The following ITGA9 variants were observed in gnomAD, a reference collection of about 807,000 sequenced individuals.
The protein encoded by ITGA9 is integrin subunit alpha 9.
ITGA9 carries 56 observed loss-of-function variants against 127.8 expected under a neutral mutation model. The observed-to-expected ratio is 0.44, with a 90% CI of 0.35 to 0.55. The LOEUF (loss-of-function observed/expected upper bound fraction) is 0.55, where lower values mean the gene tolerates loss of function less well. ITGA9 is among the 20% of genes least tolerant of loss of function. The pLI, the probability that ITGA9 is intolerant of heterozygous loss-of-function variation, is 0.00. For missense variants in ITGA9, 1,196 were observed against 1,347.1 expected (o/e 0.89, Z 1.76); for synonymous variants, 508 against 514.5 (o/e 0.99, Z 0.17).
chr3:37,792,720 G>C (rs747839146), intron 26 of ITGA9, among the ~76,000 whole-genome samples: 1 of 152,174 alleles, frequency 6.6e-6, no homozygotes, highest in African/African-American at 2.4e-5. Flanking sequence ...TTTAAAAATC[G>C]TAGGCCACTG....
At chr3:37,539,395 G>A (rs1426359327) in intron 14 of ITGA9, among the ~76,000 whole-genome samples, 1 of 152,202 alleles carries the variant, frequency 6.6e-6, no homozygotes, top group African/African-American at 2.4e-5. Flanking sequence ...ACAGAATGGA[G>A]AGAGAAAGAA....
At chr3:37,535,261 T>C (rs1047563870) in intron 14 of ITGA9, among the ~76,000 whole-genome samples, 1 of 152,242 alleles carries the variant, frequency 6.6e-6, no homozygotes, top group Admixed American at 6.5e-5. Flanking sequence ...CGTTCACTTA[T>C]CGCTGTTGTG....
At position 37,597,160 on chromosome 3, in the gene ITGA9, A is replaced by G. The variant is rs1699878020; in HGVS notation, c.1690-32027A>G. On this transcript the variant is annotated intron_variant, in intron 15 of 27. Transcript: ENST00000264741. The surrounding 1 kb of genome is among the most constrained non-coding windows in gnomAD (Gnocchi z 4.6). The stretch of plus-strand genomic sequence containing the variant: ...AATTTGGAGTTTTTCACTAATACGC[A>G]GGACTGGTCATTTTGATACTGAATG... Among the ~76,000 whole-genome samples, 1 of 152,218 alleles carries G rather than the reference A, an allele frequency of 6.6e-6. No individual in the cohort carries two copies. The highest frequency in any genetic ancestry group is 1.5e-5 in the Non-Finnish European group (1 of 68,044).
At chr3:37,797,722 T>G (rs992473483) in intron 26 of ITGA9, among the ~76,000 whole-genome samples, 13 of 152,130 alleles carry the variant, frequency 8.5e-5, no homozygotes, top group Non-Finnish European at 1.5e-5. Flanking sequence ...ATAATCTTTT[T>G]ATTTTTTATT....
At chr3:37,693,730 T>TA (rs1393077190) in intron 18 of ITGA9, among the ~76,000 whole-genome samples, 1 of 152,182 alleles carries the variant, frequency 6.6e-6, no homozygotes, top group African/African-American at 2.4e-5. Flanking sequence ...CAAATTGTGT[T>TA]ACAGCCGGGA....
Position 37,821,604 on chromosome 3 carries a change from G to C in ITGA9, c.*2615G>C, listed in dbSNP as rs1217541201. 1 of 152,152 alleles carries C rather than the reference G, an allele frequency of 6.6e-6. No individual in the cohort carries two copies. The highest frequency in any genetic ancestry group is 1.5e-5 in the Non-Finnish European group (1 of 68,038). 9.4% of individuals were successfully genotyped at this position (152,152 alleles called of 1,614,324 possible). A position where few individuals can be genotyped will look rare whatever the true frequency, so the allele number is the denominator to read the frequency against. On this transcript the variant is annotated 3_prime_UTR_variant, in exon 28 of 28. Transcript: ENST00000264741. ...AGAGCAACTAACTTGCCTCCTGCCG[G>C]GGTGTAGGTGCGTTGGTGACAGTGT...
At chr3:37,596,047 T>G (rs555076098) in intron 15 of ITGA9, among the ~76,000 whole-genome samples, 1 of 152,226 alleles carries the variant, frequency 6.6e-6, no homozygotes, top group Non-Finnish European at 1.5e-5. Flanking sequence ...AAAGCAGACA[T>G]AGACCTTACC....
At chr3:37,512,661 TTAAA>T (rs1255792002) in intron 8 of ITGA9, among the ~76,000 whole-genome samples, 1 of 152,194 alleles carries the variant, frequency 6.6e-6, no homozygotes, top group African/African-American at 2.4e-5. Context: ...CACTGGCACT[TTAAA>T]TAAAGTTTTA....
rs565937636 is a variant in ITGA9 at position 37,710,499 on chromosome 3, C to T, written c.2068-22213C>T. Among the ~76,000 whole-genome samples, 8 of 152,276 alleles carry T rather than the reference C, an allele frequency of 5.3e-5. No homozygotes were observed. In the East Asian group the frequency reaches 5.8e-4, roughly 11 times the overall value. On this transcript the variant is annotated intron_variant, in intron 18 of 27. Transcript: ENST00000264741. ...TGGGAGGATGTCTTGATCCTGGGCTCGCAGGGCTGTCCGCTGAACATGACA... is the reference window on the plus strand; with the variant it reads ...TGGGAGGATGTCTTGATCCTGGGCTTGCAGGGCTGTCCGCTGAACATGACA...
chr3:37,605,889 T>C (rs17036708), intron 15 of ITGA9, among the ~76,000 whole-genome samples: 3,685 of 152,276 alleles, frequency 0.024, 127 homozygotes, highest in African/African-American at 0.082. Context: ...AAACCCTTTT[T>C]TTTTAAAGCT....
chr3:37,707,418 T>G (rs979487712), intron 18 of ITGA9, among the ~76,000 whole-genome samples: 1 of 152,222 alleles, frequency 6.6e-6, no homozygotes, highest in East Asian at 1.9e-4. Context: ...TTTATTATGT[T>G]TGTGTTCTTC....
chr3:37,541,451 A>G (rs1699269306), intron 14 of ITGA9, among the ~76,000 whole-genome samples: 2 of 152,362 alleles, frequency 1.3e-5, no homozygotes, highest in South Asian at 4.1e-4. Context: ...CTATAATGAA[A>G]TACATACCTA....
chr3:37,490,966 T>TCCCCCCCC (rs10624727), intron 4 of ITGA9, among the ~76,000 whole-genome samples: 2 of 108,730 alleles, frequency 1.8e-5, no homozygotes, highest in Non-Finnish European at 1.9e-5. Context: ...AGATTTGGCT[T>TCCCCCCCC]CCCCCCCGCT....
chr3:37,537,410 A>T (rs1418032029), intron 14 of ITGA9, among the ~76,000 whole-genome samples: 1 of 152,170 alleles, frequency 6.6e-6, no homozygotes, highest in East Asian at 1.9e-4. Context: ...TGGCAAAACA[A>T]GTGAGGTTTG....
intron 17 of ITGA9, among the ~76,000 whole-genome samples, chr3:37,665,061 C>T (rs541902985): frequency 3.0e-4 from 45 of 151,410 alleles, no homozygotes; most frequent in South Asian, 4.2e-4. Context: ...CAACCTTCTC[C>T]GCCTGGGTTC....
chr3:37,786,740 T>A (rs1463108550), intron 26 of ITGA9, among the ~76,000 whole-genome samples: 1 of 151,636 alleles, frequency 6.6e-6, no homozygotes, highest in Non-Finnish European at 1.5e-5. Flanking sequence ...CCTGAATGAG[T>A]GAGGGGTTGG....
Position 37,762,364 on chromosome 3 carries a change from T to C in ITGA9, c.2541+11795T>C, listed in dbSNP as rs61253559. On this transcript the variant is annotated intron_variant, in intron 23 of 27. Transcript: ENST00000264741. ...AAGGTACAGAAGCTTATATACCATCTTGAGGTTATAGAAAGAATGCAGGCT... is the reference window on the plus strand; with the variant it reads ...AAGGTACAGAAGCTTATATACCATCCTGAGGTTATAGAAAGAATGCAGGCT... Among the ~76,000 whole-genome samples the C allele has an allele frequency of 7.2e-3, 1,097 of 152,346 alleles. 19 individuals are homozygous for C. The highest frequency in any genetic ancestry group is 0.025 in the African/African-American group (1,028 of 41,578).
intron 5 of ITGA9, among the ~76,000 whole-genome samples, chr3:37,495,507 T>C (rs1698718648): frequency 6.6e-6 from 1 of 151,930 alleles, no homozygotes; most frequent in Non-Finnish European, 1.5e-5. Flanking sequence ...AAAAAAAGAG[T>C]ACTTTTTACT....
At chr3:37,648,851 G>A (rs1448188706) in intron 16 of ITGA9, among the ~76,000 whole-genome samples, 1 of 151,872 alleles carries the variant, frequency 6.6e-6, no homozygotes, top group Non-Finnish European at 1.5e-5. Flanking sequence ...AAAGTTAAAA[G>A]ACAAAAGTAT....
Sources: gnomAD v4.1 joint callset for allele counts (sites outside exome capture counted in the v4.1 genomes callset) on GRCh38, gnomAD v4.1.1 for gene constraint, Gnocchi (gnomAD v3.1) non-coding constraint, MANE v1.5 for transcripts, NCBI Gene and HGNC (gene_info 2026-07-23, HGNC 2026-07-21) for gene names.